Variants in TYW1B observed in about 807,000 individuals in gnomAD.
TYW1B encodes S-adenosyl-L-methionine-dependent tRNA 4-demethylwyosine synthase TYW1B.
TYW1B carries 73 observed loss-of-function variants against 86.9 expected under a neutral mutation model. That is an observed-to-expected ratio of 0.84 (90% CI 0.70 to 1.02). The LOEUF is 1.02. Among genes scored for constraint, TYW1B ranks in the 50% least tolerant of loss-of-function variants. TYW1B has a pLI of 0.00. For missense variants in TYW1B, 637 were observed against 827.4 expected, an observed-to-expected ratio of 0.77 and a Z score of 2.82; for synonymous variants, 248 against 292.8, an observed-to-expected ratio of 0.85 and a Z score of 1.56.
Position 72,600,153 on chromosome 7 carries a change from T to C in TYW1B, c.1785+16519A>G, listed in dbSNP as rs368815071. ...AGTTACAGAAATCAAGACTGCATGGTATTGGGGAAAGAACAGACACATAGA... is the reference window on the plus strand; with the variant it reads ...AGTTACAGAAATCAAGACTGCATGGCATTGGGGAAAGAACAGACACATAGA... On this transcript the variant is annotated intron_variant, in intron 13 of 13. Transcript: ENST00000620995. Among the ~76,000 whole-genome samples the C allele has an allele frequency of 6.9e-3, 1,053 of 152,258 alleles. 17 individuals are homozygous for C. The highest frequency in any genetic ancestry group is 0.025 in the African/African-American group (1,027 of 41,536).
chr7:72,791,182 T>C (rs1788211399), intron 6 of TYW1B, among the ~76,000 whole-genome samples: 1 of 152,106 alleles, frequency 6.6e-6, no homozygotes, highest in South Asian at 2.1e-4. Flanking sequence ...ATAATTGGTA[T>C]GCACTCACAT....
At chr7:72,693,409 C>CTT (rs35021264) in intron 11 of TYW1B, among the ~76,000 whole-genome samples, 3,495 of 129,384 alleles carry the variant, frequency 0.027, 101 homozygotes, top group South Asian at 0.065. Flanking sequence ...TTGCAGACAT[C>CTT]TTTTTTTTTT....
At chr7:72,631,196 G>C (rs1165090721) in intron 11 of TYW1B, among the ~76,000 whole-genome samples, 1 of 151,708 alleles carries the variant, frequency 6.6e-6, no homozygotes, top group African/African-American at 2.4e-5. Context: ...CCAGTCAATA[G>C]TCAACACTAT....
At chr7:72,759,156 C>T (rs1250014442) in intron 7 of TYW1B, among the ~76,000 whole-genome samples, 1 of 152,144 alleles carries the variant, frequency 6.6e-6, no homozygotes, top group Non-Finnish European at 1.5e-5. Context: ...CATGGCGAAA[C>T]CTCGTATCTA....
At chr7:72,676,760 A>C (rs1194774696) in intron 11 of TYW1B, among the ~76,000 whole-genome samples, 1 of 152,176 alleles carries the variant, frequency 6.6e-6, no homozygotes, top group Non-Finnish European at 1.5e-5. Context: ...GGAGTTCAAG[A>C]CCAGCCTGGC....
At chr7:72,730,987 ATGAC>A (rs1787095967) in intron 8 of TYW1B, among the ~76,000 whole-genome samples, 1 of 151,656 alleles carries the variant, frequency 6.6e-6, no homozygotes, top group African/African-American at 2.4e-5. Context: ...TCAAAAGACA[ATGAC>A]AAAGCAAATT....
chr7:72,777,848 G>A (rs1384750617), intron 6 of TYW1B, among the ~76,000 whole-genome samples: 4 of 152,084 alleles, frequency 2.6e-5, no homozygotes, highest in Admixed American at 1.3e-4. Context: ...CCCGGAAGGC[G>A]AAAGTTGCAG....
intron 8 of TYW1B, among the ~76,000 whole-genome samples, chr7:72,743,474 A>C (rs183448346): frequency 6.6e-6 from 1 of 152,296 alleles, no homozygotes; most frequent in African/African-American, 2.4e-5. Flanking sequence ...CCACAACAAA[A>C]TGAGCTGCTA....
At chr7:72,734,132 C>A (rs1324691885) in intron 8 of TYW1B, among the ~76,000 whole-genome samples, 3 of 152,030 alleles carry the variant, frequency 2.0e-5, no homozygotes, top group South Asian at 2.1e-4. Context: ...GTGGCAGGCA[C>A]CTGTAATCCC....
At chr7:72,804,284 CAAA>C (rs797037230) in intron 5 of TYW1B, among the ~76,000 whole-genome samples, 6 of 70,820 alleles carry the variant, frequency 8.5e-5, no homozygotes, top group Non-Finnish European at 1.5e-4. Context: ...GACTCCATCT[CAAA>C]AAAAAAAAAA....
At chr7:72,621,748 CCTACGACATTAAA>C in intron 12 of TYW1B, among the ~76,000 whole-genome samples, 2 of 152,356 alleles carry the variant, frequency 1.3e-5, no homozygotes, top group South Asian at 4.1e-4. Context: ...CAGACATTCT[CCTACGACATTAAA>C]CTCCACAACT....
chr7:72,664,414 C>T (rs1554444936), intron 11 of TYW1B, among the ~76,000 whole-genome samples: 4 of 152,028 alleles, frequency 2.6e-5, no homozygotes, highest in Non-Finnish European at 4.4e-5. Context: ...CCCCTTTGTC[C>T]TTATAAGCAA....
At chr7:72,815,903 C>T (rs1257421594) in intron 2 of TYW1B, among the ~76,000 whole-genome samples, 2 of 151,976 alleles carry the variant, frequency 1.3e-5, no homozygotes, top group Non-Finnish European at 1.5e-5. Context: ...ATGGTACACA[C>T]CTGTAGTCCC....
chr7:72,775,730 G>GAA (rs113111246), intron 7 of TYW1B, among the ~76,000 whole-genome samples: 10 of 130,820 alleles, frequency 7.6e-5, no homozygotes, highest in Admixed American at 5.4e-4. Context: ...GTTTAAATTA[G>GAA]AAAAAAAAAA....
rs371645639 is a variant in TYW1B at position 72,756,973 on chromosome 7, T to C, written c.965-12372A>G. Among the ~76,000 whole-genome samples, 21 of 152,100 alleles carry C rather than the reference T, an allele frequency of 1.4e-4. No individual in the cohort carries two copies. The East Asian group carries it at 2.7e-3, about 20-fold the overall frequency. ...CCTAGGATGGCAATAATCAAAAAAATGAACAATAACAAATGCTGACAAGGC... is the reference window on the plus strand; with the variant it reads ...CCTAGGATGGCAATAATCAAAAAAACGAACAATAACAAATGCTGACAAGGC... On this transcript the variant is annotated intron_variant, in intron 7 of 13. Coordinates refer to ENST00000620995, the MANE Select transcript of TYW1B (RefSeq NM_001145440.3).
intron 11 of TYW1B, among the ~76,000 whole-genome samples, chr7:72,691,943 C>T (rs1440300738): frequency 1.3e-5 from 2 of 152,012 alleles, no homozygotes; most frequent in African/African-American, 4.8e-5. Flanking sequence ...CAGTGGCTCA[C>T]ACCTGTAATC....
chr7:72,714,072 T>A (rs1191114713), intron 9 of TYW1B, among the ~76,000 whole-genome samples: 3 of 151,786 alleles, frequency 2.0e-5, no homozygotes, highest in Non-Finnish European at 4.4e-5. Context: ...AATAAGTCCC[T>A]TTGCATAATT....
At chr7:72,710,730 C>T (rs1227288800) in intron 10 of TYW1B, among the ~76,000 whole-genome samples, 4 of 152,122 alleles carry the variant, frequency 2.6e-5, no homozygotes, top group African/African-American at 4.8e-5. Context: ...ATCGCTTGAA[C>T]CTGGGAAGCA....
In TYW1B at chr7:72,810,524, T is replaced by A; in HGVS notation, c.379A>T (p.Arg127Ter). Residue 127 changes from arginine (R) to a stop codon, truncating the protein, a stop_gained, in exon 4 of 14, where the codon AGA (arginine) becomes TGA (stop). Coordinates refer to ENST00000620995, the MANE Select transcript of TYW1B (RefSeq NM_001145440.3). LOFTEE classifies it high-confidence loss of function. Reference protein sequence around the residue: ...RFGKTYLKGMRDAVFGLGNSA... With the variant: ...RFGKTYLKGM ...TTTCCCAGGCCAAATACCGCATCTCTCATACCCTTCAGGTAAGTTTTGCCA... is the reference window on the plus strand; with the variant it reads ...TTTCCCAGGCCAAATACCGCATCTCACATACCCTTCAGGTAAGTTTTGCCA... 2 of 1,613,966 alleles carry A rather than the reference T, an allele frequency of 1.2e-6. No homozygotes were observed. Among genetic ancestry groups the A allele is most frequent in the African/African-American group, 1.3e-5 (1 of 75,042 alleles).
Sources: allele counts gnomAD v4.1 joint callset (sites outside exome capture counted in the v4.1 genomes callset), GRCh38; gene constraint gnomAD v4.1.1; transcripts MANE v1.5; gene names NCBI Gene and HGNC (gene_info 2026-07-23, HGNC 2026-07-21).